Variants in INPP5F observed in about 807,000 individuals in gnomAD.
The protein encoded by INPP5F is phosphatidylinositide 4-phosphatase SAC2.
In INPP5F, 97 loss-of-function variants were observed where a neutral mutation model predicts 137.2. The ratio of observed to expected loss-of-function variants is 0.71; its 90% CI spans 0.60 to 0.84. The LOEUF (loss-of-function observed/expected upper bound fraction) is 0.84. Among genes scored for constraint, INPP5F ranks in the 40% least tolerant of loss-of-function variants. The pLI, the probability that INPP5F is intolerant of heterozygous loss-of-function variation, is 0.00. For missense variants in INPP5F, 1,271 were observed against 1,371.9 expected (o/e 0.93, Z 1.16); for synonymous variants, 504 against 476.9 (o/e 1.06, Z -0.74).
Position 119,797,541 on chromosome 10 carries a change from C to T in INPP5F, c.949C>T (p.His317Tyr). ...YVETEQLIHVHNHTLSFVQTR... is the reference protein window; with the variant it reads ...YVETEQLIHVYNHTLSFVQTR... The stretch of plus-strand genomic sequence containing the variant: ...GGAGACTGAGCAGTTGATTCATGTT[C>T]ATAATCATACCCTGTCATTTGTTCA... The change falls in exon 8 of 20, where the codon CAT becomes TAT. Residue 317 changes from histidine (H) to tyrosine (Y), a missense_variant. This residue lies in a region of INPP5F where 593 missense variants were observed against 712.4 expected (regional missense o/e 0.83). Transcript: ENST00000650623. 1 of 1,612,668 alleles carries T rather than the reference C, an allele frequency of 6.2e-7. No individual in the cohort carries two copies. Among genetic ancestry groups the T allele is most frequent in the Non-Finnish European group, 8.5e-7 (1 of 1,179,192 alleles).
rs553194306 is a variant in INPP5F at position 119,739,815 on chromosome 10, T to C, written c.98-11261T>C. On this transcript the variant is annotated intron_variant, in intron 1 of 19. Coordinates refer to ENST00000650623, the MANE Select transcript of INPP5F (RefSeq NM_014937.4). ...TGTATTTTTTTGTAGAGACGGTGTT[T>C]TGCCATGTTGCCCAGACTGGTCTTG... Among the ~76,000 whole-genome samples the C allele has an allele frequency of 9.2e-5, 14 of 152,186 alleles. No individual in the cohort carries two copies. The East Asian group carries it at 2.3e-3, about 25-fold the overall frequency.
intron 17 of INPP5F, among the ~76,000 whole-genome samples, chr10:119,822,838 T>G (rs1394044102): frequency 6.6e-6 from 1 of 152,216 alleles, no homozygotes; most frequent in African/African-American, 2.4e-5. Flanking sequence ...TCATAATAAC[T>G]GTGTTCCTTT....
chr10:119,824,214 C>A (rs1197320777), intron 19 of INPP5F, among the ~76,000 whole-genome samples: 1 of 152,116 alleles, frequency 6.6e-6, no homozygotes, highest in Non-Finnish European at 1.5e-5. Flanking sequence ...AGAAAGTAAC[C>A]TTGGCACGGT....
At chr10:119,780,648 C>A (rs1426400108) in intron 2 of INPP5F, among the ~76,000 whole-genome samples, 2 of 152,150 alleles carry the variant, frequency 1.3e-5, no homozygotes, top group Non-Finnish European at 2.9e-5. Flanking sequence ...CCCTGTGTAT[C>A]CATTGAGTTC....
chr10:119,819,835 G>A (rs749339941), intron 15 of INPP5F: 126 of 257,580 alleles, frequency 4.9e-4, no homozygotes, highest in Non-Finnish European at 4.9e-4. Flanking sequence ...TAAGATTATG[G>A]TAAATCCTTC....
chr10:119,817,505 T>C (rs1179025098), intron 15 of INPP5F, among the ~76,000 whole-genome samples: 1 of 152,234 alleles, frequency 6.6e-6, no homozygotes, highest in Admixed American at 6.5e-5. Context: ...CCAACACTTA[T>C]TTTCCTTTTT....
At chr10:119,757,076 T>TTTAC (rs1428368656) in intron 2 of INPP5F, among the ~76,000 whole-genome samples, 1 of 151,656 alleles carries the variant, frequency 6.6e-6, no homozygotes, top group Non-Finnish European at 1.5e-5. Context: ...ACTTTATTTA[T>TTTAC]TTATTTATTT....
In INPP5F at chr10:119,748,068, G is replaced by A. The variant is rs960818949; in HGVS notation, c.98-3008G>A. 2.0e-5 allele frequency among the ~76,000 whole-genome samples: 3 copies of A among 152,168 alleles called. No homozygotes were observed. Among genetic ancestry groups the A allele is most frequent in the Non-Finnish European group, 2.9e-5 (2 of 68,030 alleles). On this transcript the variant is annotated intron_variant, in intron 1 of 19. Transcript: ENST00000650623. The surrounding 1 kb of genome is among the most constrained non-coding windows in gnomAD (Gnocchi z 4.7). ...TGTGCTGGGCTTGCACTACCAGCCC[G>A]GATCCCATGCCTGCCAATGGCAAGC...
intron 2 of INPP5F, among the ~76,000 whole-genome samples, chr10:119,781,148 G>C (rs997213970): frequency 6.6e-6 from 1 of 152,200 alleles, no homozygotes. Context: ...AGTGTTTATT[G>C]TAATTATAAA....
rs149127732 is a variant in INPP5F at position 119,742,119 on chromosome 10, C to T, written c.98-8957C>T. Among the ~76,000 whole-genome samples the T allele has an allele frequency of 3.3e-4, 50 of 151,592 alleles. No homozygotes were observed. The South Asian group carries it at 8.2e-3, about 25-fold the overall frequency. ...TTTACAGGCATAGAGCCACTGCGCC[C>T]GGCCCGACGACAGCTTTTTATTTGT... is the stretch of plus-strand genomic sequence containing the variant. On this transcript the variant is annotated intron_variant, in intron 1 of 19. Transcript: ENST00000650623.
At chr10:119,802,888 C>T (rs1041156705) in intron 9 of INPP5F, among the ~76,000 whole-genome samples, 3 of 152,172 alleles carry the variant, frequency 2.0e-5, no homozygotes, top group East Asian at 1.9e-4. Context: ...TTAGTATTCA[C>T]GTTTGCCTAG....
rs981668986 is a variant in INPP5F at position 119,740,822 on chromosome 10, C to T, written c.98-10254C>T. On this transcript the variant is annotated intron_variant, in intron 1 of 19. Coordinates refer to ENST00000650623, the MANE Select transcript of INPP5F (RefSeq NM_014937.4). ...TCCCAAAGTGCTGGGATTACAGGCG[C>T]GAGCCACTGTGCCCGGCCCCATACT... Among the ~76,000 whole-genome samples the T allele has an allele frequency of 1.3e-3, 202 of 152,136 alleles. 1 individual carries two copies. Among genetic ancestry groups the T allele is most frequent in the African/African-American group, 4.5e-3 (186 of 41,538 alleles).
intron 2 of INPP5F, among the ~76,000 whole-genome samples, chr10:119,765,397 G>A (rs11597012): frequency 0.052 from 7,841 of 151,968 alleles, 314 homozygotes; most frequent in Non-Finnish European, 0.081. Flanking sequence ...TTTGAGACAG[G>A]GTCTTGCTTT....
At chr10:119,796,047 G>C (rs371625717) in intron 6 of INPP5F, among the ~76,000 whole-genome samples, 6,852 of 148,590 alleles carry the variant, frequency 0.046, 277 homozygotes, top group South Asian at 0.24. Flanking sequence ...AGCTTCGGCT[G>C]GGCATCAGAG....
intron 3 of INPP5F, among the ~76,000 whole-genome samples, chr10:119,782,611 T>C (rs1849745324): frequency 6.6e-6 from 1 of 152,034 alleles, no homozygotes; most frequent in South Asian, 2.1e-4. Flanking sequence ...AGCTGAGGGG[T>C]TCGAGACCAG....
chr10:119,827,349 C>G lies in INPP5F; in HGVS notation c.2968C>G (p.Gln990Glu). The G allele has an allele frequency of 6.2e-7, 1 of 1,614,164 alleles. No individual in the cohort carries two copies. Among genetic ancestry groups the G allele is most frequent in the Non-Finnish European group, 8.5e-7 (1 of 1,180,008 alleles). The change falls in exon 20 of 20, where the codon CAA becomes GAA. Residue 990 changes from glutamine to glutamate, a missense_variant. Gln to Glu is a conservative substitution (Grantham distance 29). Around this residue, in one of 6 missense-constraint regions of INPP5F, gnomAD observed 490 missense variants for 443.7 expected, o/e 1.10. Coordinates refer to ENST00000650623, the MANE Select transcript of INPP5F (RefSeq NM_014937.4). Reference protein sequence around the residue: ...VSQQASQERNQMTNQVSNETQ... With the variant: ...VSQQASQERNEMTNQVSNETQ... ...TCAGCAGGCTAGTCAGGAAAGAAAT[C>G]AAATGACCAATCAAGTTTCAAATGA...
chr10:119,794,242 A>C (rs1399462570), intron 6 of INPP5F, among the ~76,000 whole-genome samples: 1 of 152,034 alleles, frequency 6.6e-6, no homozygotes, highest in Non-Finnish European at 1.5e-5. Context: ...GCTGCCTTCA[A>C]GCATCTGTTT....
intron 2 of INPP5F, among the ~76,000 whole-genome samples, chr10:119,763,836 G>A (rs1252884438): frequency 6.6e-6 from 1 of 152,120 alleles, no homozygotes; most frequent in Non-Finnish European, 1.5e-5. Context: ...TTGACATTTT[G>A]CTTAGAAATT....
intron 3 of INPP5F, among the ~76,000 whole-genome samples, chr10:119,789,894 G>T (rs1464523279): frequency 6.6e-6 from 1 of 151,856 alleles, no homozygotes; most frequent in Non-Finnish European, 1.5e-5. Context: ...TGACCAGTAG[G>T]AAGGAGCCAG....
Sources: gnomAD v4.1 joint callset for allele counts (sites outside exome capture counted in the v4.1 genomes callset) on GRCh38, gnomAD v4.1.1 for gene constraint, gnomAD v4.1.1 regional missense constraint, Gnocchi (gnomAD v3.1) non-coding constraint, MANE v1.5 for transcripts, NCBI Gene and HGNC (gene_info 2026-07-23, HGNC 2026-07-21) for gene names.